Variants in TEAD1 observed in about 807,000 individuals in gnomAD.
The protein encoded by TEAD1 is TEA domain transcription factor 1.
TEAD1 carries 9 observed loss-of-function variants against 54.9 expected under a neutral mutation model. That is an observed-to-expected ratio of 0.16 (90% confidence interval 0.10 to 0.29). The LOEUF (loss-of-function observed/expected upper bound fraction) is 0.29. Among genes scored for constraint, TEAD1 ranks in the 10% least tolerant of loss-of-function variants. The pLI is 1.00. For missense variants in TEAD1, 387 were observed against 535.9 expected (o/e 0.72, Z 2.74); for synonymous variants, 200 against 187.8 (o/e 1.07, Z -0.53).
At chr11:12,709,182 A>C (rs1943881193) in intron 2 of TEAD1, among the ~76,000 whole-genome samples, 1 of 152,140 alleles carries the variant, frequency 6.6e-6, no homozygotes, top group African/African-American at 2.4e-5. Flanking sequence ...TACTAAAAAT[A>C]CAAAAATTGG....
intron 3 of TEAD1, among the ~76,000 whole-genome samples, chr11:12,818,909 C>A (rs997509869): frequency 6.6e-6 from 1 of 152,160 alleles, no homozygotes; most frequent in African/African-American, 2.4e-5. Flanking sequence ...TGCAAGAGAG[C>A]TACAAATAGA....
intron 10 of TEAD1, among the ~76,000 whole-genome samples, chr11:12,911,168 G>C (rs1256905361): frequency 1.3e-5 from 2 of 152,198 alleles, no homozygotes; most frequent in Non-Finnish European, 2.9e-5. Flanking sequence ...CCTGGAAAGA[G>C]GACAGCCATT....
intron 5 of TEAD1, among the ~76,000 whole-genome samples, chr11:12,875,566 A>C (rs1232331896): frequency 6.6e-6 from 1 of 152,210 alleles, no homozygotes; most frequent in African/African-American, 2.4e-5. Flanking sequence ...TTTAATTTTC[A>C]ATATATATTG....
At chr11:12,726,555 A>AG (rs35642820) in intron 2 of TEAD1, among the ~76,000 whole-genome samples, 1 of 47,238 alleles carries the variant, frequency 2.1e-5, no homozygotes, top group Non-Finnish European at 4.1e-5. Context: ...GTATGGGGGG[A>AG]AAAAAAGTAA....
intron 5 of TEAD1, among the ~76,000 whole-genome samples, chr11:12,879,112 AC>A (rs1379648545): frequency 6.6e-6 from 1 of 151,926 alleles, no homozygotes; most frequent in African/African-American, 2.4e-5. Context: ...GAAAGCATGC[AC>A]CCCGCCAGCA....
rs992451452 is a variant in TEAD1, at chr11:12,940,829, T to A, written c.*3607T>A. 10 of 152,262 alleles carry A rather than the reference T, an allele frequency of 6.6e-5. No individual in the cohort carries two copies. The highest frequency in any genetic ancestry group is 1.5e-4 in the Non-Finnish European group (10 of 68,048). The allele number at this position is 152,262 out of a possible 1,614,324, so 9.4% of individuals were successfully genotyped here. A position where few individuals can be genotyped will look rare whatever the true frequency, so the allele number is the denominator to read the frequency against. ...CTAGTTTCTGCCTTACAAGCAATGC[T>A]GTTCTGTAAATTTATTGAAACCTCT... On this transcript the variant is annotated 3_prime_UTR_variant, in exon 13 of 13. Transcript: ENST00000527636.
At chr11:12,689,362 T>A (rs1943404054) in intron 2 of TEAD1, among the ~76,000 whole-genome samples, 1 of 152,238 alleles carries the variant, frequency 6.6e-6, no homozygotes, top group Admixed American at 6.5e-5. Flanking sequence ...CGCATTATGC[T>A]TATGAACTTG....
chr11:12,801,693 A>G (rs1443240028), intron 3 of TEAD1, among the ~76,000 whole-genome samples: 1 of 152,182 alleles, frequency 6.6e-6, no homozygotes, highest in Non-Finnish European at 1.5e-5. Flanking sequence ...ATGCCAGAAG[A>G]TGGTTGGACT....
chr11:12,762,974 T>C (rs1246293673), intron 2 of TEAD1, among the ~76,000 whole-genome samples: 1 of 152,178 alleles, frequency 6.6e-6, no homozygotes, highest in African/African-American at 2.4e-5. Context: ...TGTGGCCACA[T>C]GAAACCCTCC....
intron 4 of TEAD1, among the ~76,000 whole-genome samples, chr11:12,864,135 A>G (rs779689656): frequency 6.6e-6 from 1 of 151,840 alleles, no homozygotes; most frequent in Non-Finnish European, 1.5e-5. Context: ...TCTAATTTAC[A>G]TGTCAGTATT....
At chr11:12,794,882 A>G (rs1445436500) in intron 3 of TEAD1, among the ~76,000 whole-genome samples, 1 of 152,268 alleles carries the variant, frequency 6.6e-6, no homozygotes, top group East Asian at 1.9e-4. Flanking sequence ...TATCCCTAGT[A>G]CCTCTGACAA....
intron 3 of TEAD1, among the ~76,000 whole-genome samples, chr11:12,848,035 G>A (rs185875752): frequency 2.6e-4 from 40 of 152,332 alleles, no homozygotes; most frequent in Admixed American, 2.6e-3. Context: ...AGTGGGGTCA[G>A]TGAGCCAGAG....
chr11:12,809,122 T>G (rs1946237279), intron 3 of TEAD1, among the ~76,000 whole-genome samples: 1 of 152,130 alleles, frequency 6.6e-6, no homozygotes, highest in Admixed American at 6.5e-5. Context: ...ATTATTAGAG[T>G]TAAGCCTTTC....
chr11:12,697,901 T>A (rs1385659165), intron 2 of TEAD1, among the ~76,000 whole-genome samples: 1 of 151,730 alleles, frequency 6.6e-6, no homozygotes, highest in Non-Finnish European at 1.5e-5. Context: ...CAGGCACCTA[T>A]AATCCCAGCT....
intron 6 of TEAD1, among the ~76,000 whole-genome samples, chr11:12,880,524 A>C (rs1022385500): frequency 2.0e-5 from 3 of 152,124 alleles, no homozygotes; most frequent in Non-Finnish European, 4.4e-5. Context: ...GCCCACACCA[A>C]TCGCAGCAGG....
intron 2 of TEAD1, among the ~76,000 whole-genome samples, chr11:12,752,327 T>G (rs868687723): frequency 2.6e-5 from 4 of 151,746 alleles, no homozygotes; most frequent in Non-Finnish European, 5.9e-5. Context: ...TCCCTTGTGT[T>G]TTTCCATTTG....
intron 2 of TEAD1, among the ~76,000 whole-genome samples, chr11:12,715,247 A>G (rs942107745): frequency 2.0e-5 from 3 of 152,104 alleles, no homozygotes; most frequent in Non-Finnish European, 2.9e-5. Flanking sequence ...CCCTGAGACC[A>G]TTCCTTCACC....
chr11:12,721,036 T>G (rs1944184810), intron 2 of TEAD1, among the ~76,000 whole-genome samples: 1 of 152,358 alleles, frequency 6.6e-6, no homozygotes, highest in East Asian at 1.9e-4. Context: ...TTGTATTCTT[T>G]TATTTTTCAT....
intron 10 of TEAD1, among the ~76,000 whole-genome samples, chr11:12,912,825 T>C (rs1388924104): frequency 6.6e-6 from 1 of 152,190 alleles, no homozygotes. Context: ...TGCCTTGACC[T>C]GGAGGAATTC....
Sources: allele counts gnomAD v4.1 joint callset (sites outside exome capture counted in the v4.1 genomes callset), GRCh38; gene constraint gnomAD v4.1.1; transcripts MANE v1.5; gene names NCBI Gene and HGNC (gene_info 2026-07-23, HGNC 2026-07-21).